FARP1: variants seen among roughly 807,000 people sequenced by gnomAD.
FARP1 encodes the protein FERM, ARH/RhoGEF and pleckstrin domain protein 1.
Under a neutral mutation model 128.8 loss-of-function variants are expected in FARP1, and 52 were observed. That is an observed-to-expected ratio of 0.40 (90% CI 0.32 to 0.51). The LOEUF is 0.51. Ranked by LOEUF, FARP1 falls within the 20% of genes least tolerant of loss-of-function variation. The probability of loss-of-function intolerance (pLI) is 0.45; values close to 1 mark genes in which losing one functional copy is unlikely to be tolerated. For synonymous variants in FARP1, 580 were observed against 551.8 expected, an observed-to-expected ratio of 1.05 and a Z score of -0.72; for missense variants, 1,333 against 1,367.9, an observed-to-expected ratio of 0.97 and a Z score of 0.40.
rs1260840082 is a variant in FARP1 at position 98,454,962 on chromosome 13, A to G, written c.*6645A>G. On this transcript the variant is annotated 3_prime_UTR_variant, in exon 27 of 27. Transcript: ENST00000319562. Reference sequence around the variant, plus strand: ...GTAAAGTTTTAAACACAACACAGACATCAGGTAGCTACAGACCCGCCCGAG... The same window carrying G: ...GTAAAGTTTTAAACACAACACAGACGTCAGGTAGCTACAGACCCGCCCGAG... 1 of 152,216 alleles carries G rather than the reference A, an allele frequency of 6.6e-6. No individual in the cohort carries two copies. Among genetic ancestry groups the G allele is most frequent in the Non-Finnish European group, 1.5e-5 (1 of 68,064 alleles). 9.4% of individuals were successfully genotyped at this position (152,216 alleles called of 1,614,324 possible). A position where few individuals can be genotyped will look rare whatever the true frequency, so the allele number is the denominator to read the frequency against.
intron 3 of FARP1, among the ~76,000 whole-genome samples, chr13:98,351,335 G>A (rs572134754): frequency 1.2e-3 from 176 of 152,178 alleles, no homozygotes; most frequent in African/African-American, 3.9e-3. Flanking sequence ...AGGTTTGGCC[G>A]GGCGCGGTGG....
At chr13:98,367,682 A>C (rs1447479360) in intron 4 of FARP1, among the ~76,000 whole-genome samples, 1 of 152,156 alleles carries the variant, frequency 6.6e-6, no homozygotes, top group African/African-American at 2.4e-5. Context: ...TCAGAAGAGC[A>C]CCTAGAGGCT....
At chr13:98,241,744 C>T (rs1381599091) in intron 2 of FARP1, among the ~76,000 whole-genome samples, 1 of 152,104 alleles carries the variant, frequency 6.6e-6, no homozygotes, top group Middle Eastern at 3.2e-3. Flanking sequence ...CATGGTGAAA[C>T]CCCATCTCTA....
intron 1 of FARP1, among the ~76,000 whole-genome samples, chr13:98,181,160 A>C (rs1440316123): frequency 6.6e-6 from 1 of 152,092 alleles, no homozygotes; most frequent in Non-Finnish European, 1.5e-5. Flanking sequence ...TGCAGATAGC[A>C]CTTCTCCCTG....
chr13:98,421,616 G>C (rs1891596423), intron 16 of FARP1, among the ~76,000 whole-genome samples: 1 of 152,204 alleles, frequency 6.6e-6, no homozygotes, highest in Non-Finnish European at 1.5e-5. Flanking sequence ...CCAGCACTTT[G>C]AGAGACTGAG....
chr13:98,179,901 C>T (rs118126919), intron 1 of FARP1, among the ~76,000 whole-genome samples: 2 of 151,980 alleles, frequency 1.3e-5, no homozygotes, highest in Admixed American at 6.6e-5. Context: ...GACTTAATTC[C>T]TCATTTTTAG....
intron 13 of FARP1, chr13:98,403,205 A>T (rs1212717299): frequency 6.6e-6 from 1 of 151,950 alleles, no homozygotes; most frequent in African/African-American, 2.4e-5. Context: ...ATCCTAAGTG[A>T]TCGTCCTGGG....
At chr13:98,350,678 C>T (rs1352603439) in intron 3 of FARP1, among the ~76,000 whole-genome samples, 1 of 152,154 alleles carries the variant, frequency 6.6e-6, no homozygotes, top group Non-Finnish European at 1.5e-5. Flanking sequence ...CCTGGCAACC[C>T]CTGATCTTTT....
intron 16 of FARP1, among the ~76,000 whole-genome samples, chr13:98,413,090 C>T (rs937221382): frequency 2.0e-5 from 3 of 152,188 alleles, no homozygotes; most frequent in African/African-American, 7.2e-5. Context: ...GTTGTGAAGC[C>T]AATATGCTGG....
At chr13:98,353,365 G>T (rs1040846480) in intron 3 of FARP1, among the ~76,000 whole-genome samples, 2 of 152,106 alleles carry the variant, frequency 1.3e-5, no homozygotes, top group African/African-American at 4.8e-5. Context: ...CTGTACATTT[G>T]CTTTGTGCAG....
chr13:98,179,587 T>G (rs1221927627), intron 1 of FARP1, among the ~76,000 whole-genome samples: 1 of 152,064 alleles, frequency 6.6e-6, no homozygotes, highest in Non-Finnish European at 1.5e-5. Flanking sequence ...TGACTTGGCC[T>G]GGCATGGTGG....
chr13:98,278,924 C>T (rs1884796656), intron 2 of FARP1, among the ~76,000 whole-genome samples: 2 of 151,960 alleles, frequency 1.3e-5, no homozygotes, highest in Admixed American at 1.3e-4. Context: ...CTCCCGGGTT[C>T]ATGCCATTCT....
chr13:98,377,811 A>G lies in FARP1; in HGVS notation c.399-10A>G. On this transcript the variant is annotated splice_polypyrimidine_tract_variant and intron_variant, in intron 5 of 26. Transcript: ENST00000319562. ...CTTTGCCTGACGCCCAGCTCTGTTG[A>G]TCTTCGCAGGTACCTGTTCGCGCTG... 6.2e-7 allele frequency: 1 copy of G among 1,611,584 alleles called. No individual in the cohort carries two copies. The highest frequency in any genetic ancestry group is 8.5e-7 in the Non-Finnish European group (1 of 1,177,790).
chr13:98,309,013 A>G (rs962879156), intron 2 of FARP1, among the ~76,000 whole-genome samples: 1 of 151,850 alleles, frequency 6.6e-6, no homozygotes, highest in Non-Finnish European at 1.5e-5. Context: ...AAAATATTAG[A>G]CATAATAATT....
chr13:98,430,190 T>C (rs1891957003), intron 17 of FARP1, among the ~76,000 whole-genome samples: 1 of 152,120 alleles, frequency 6.6e-6, no homozygotes. Context: ...AGTTCGAGGC[T>C]GCAGTGAGCT....
chr13:98,311,874 C>G (rs1186757744), intron 2 of FARP1, among the ~76,000 whole-genome samples: 1 of 148,722 alleles, frequency 6.7e-6, no homozygotes, highest in Admixed American at 6.8e-5. Context: ...GACGGAGTCT[C>G]GCTCTGTCAC....
chr13:98,431,166 C>T lies in FARP1; in HGVS notation c.2029C>T (p.Pro677Ser), dbSNP rs1892000433. Residue 677 changes from proline (P) to serine (S), a missense_variant, in exon 18 of 27, where the codon CCG becomes TCG. Physicochemically the swap from Pro to Ser is moderately conservative, Grantham distance 74. Transcript: ENST00000319562. The stretch of plus-strand genomic sequence containing the variant: ...TGAGCTGCAGAAGGTGTGTTACCTA[C>T]CGCTCAACACCTTCCTCCTGCGGCC... Reference protein sequence around the residue: ...DFELQKVCYLPLNTFLLRPLH... With the variant: ...DFELQKVCYLSLNTFLLRPLH... 6.2e-7 allele frequency: 1 copy of T among 1,613,924 alleles called. No individual in the cohort carries two copies. The highest frequency in any genetic ancestry group is 8.5e-7 in the Non-Finnish European group (1 of 1,179,864).
chr13:98,301,670 C>T (rs1189918699), intron 2 of FARP1, among the ~76,000 whole-genome samples: 2 of 152,048 alleles, frequency 1.3e-5, no homozygotes, highest in East Asian at 1.9e-4. Context: ...GTGTTTTGAT[C>T]GTATAAACCT....
intron 2 of FARP1, among the ~76,000 whole-genome samples, chr13:98,259,888 T>TGTGTGTGTGTGTGA (rs1883789517): frequency 6.8e-6 from 1 of 148,092 alleles, no homozygotes; most frequent in African/African-American, 2.5e-5. Context: ...GAAAAGTGTG[T>TGTGTGTGTGTGTGA]GTGTGTGTGT....
Sources: allele counts gnomAD v4.1 joint callset (sites outside exome capture counted in the v4.1 genomes callset), GRCh38; gene constraint gnomAD v4.1.1; transcripts MANE v1.5; gene names NCBI Gene and HGNC (gene_info 2026-07-23, HGNC 2026-07-21).